GRIK1: variants seen among roughly 807,000 people sequenced by gnomAD.
The protein encoded by GRIK1 is glutamate receptor ionotropic, kainate 1.
Under a neutral mutation model 105.7 loss-of-function variants are expected in GRIK1, and 69 were observed. That is an observed-to-expected ratio of 0.65 (90% confidence interval 0.54 to 0.80). GRIK1 has a LOEUF of 0.80. Ranked by LOEUF, GRIK1 falls within the 30% of genes least tolerant of loss-of-function variation. GRIK1 has a pLI of 0.00. For missense variants in GRIK1, 1,109 were observed against 1,167.3 expected, an observed-to-expected ratio of 0.95 and a Z score of 0.73; for synonymous variants, 438 against 431.3, an observed-to-expected ratio of 1.02 and a Z score of -0.19.
chr21:29,556,663 C>A (rs539995113), intron 15 of GRIK1, among the ~76,000 whole-genome samples: 1 of 152,194 alleles, frequency 6.6e-6, no homozygotes, highest in African/African-American at 2.4e-5. Flanking sequence ...ATGATGTCTT[C>A]CCAACATGAT....
In GRIK1 at chr21:29,910,472, T is replaced by A. The variant is rs559672966; in HGVS notation, c.118+28911A>T. Among the ~76,000 whole-genome samples the A allele has an allele frequency of 7.9e-4, 120 of 152,244 alleles. 1 individual carries two copies. The highest frequency in any genetic ancestry group is 6.8e-3 in the Middle Eastern group (2 of 294). ...GCAATGTACAAGTGTTTCACTAACCTGAGAGAAAGTAATGACTGATATTCT... is the reference window on the plus strand; with the variant it reads ...GCAATGTACAAGTGTTTCACTAACCAGAGAGAAAGTAATGACTGATATTCT... On this transcript the variant is annotated intron_variant, in intron 1 of 17. Coordinates refer to ENST00000327783, the MANE Select transcript of GRIK1 (RefSeq NM_001330994.2).
chr21:29,896,312 G>T (rs540892300), intron 1 of GRIK1, among the ~76,000 whole-genome samples: 1 of 152,150 alleles, frequency 6.6e-6, no homozygotes, highest in East Asian at 1.9e-4. Context: ...GGTACCCTAG[G>T]TAAAATTTCA....
chr21:29,544,853 A>T (rs2090026088), intron 16 of GRIK1, among the ~76,000 whole-genome samples: 1 of 152,204 alleles, frequency 6.6e-6, no homozygotes, highest in Admixed American at 6.5e-5. Context: ...TGATGTGAGA[A>T]TCTTGACCAA....
chr21:29,827,975 A>ATC (rs71335097), intron 1 of GRIK1, among the ~76,000 whole-genome samples: 3,822 of 113,508 alleles, frequency 0.034, 119 homozygotes, highest in African/African-American at 0.093. Flanking sequence ...TATAGTTAGG[A>ATC]TCTCTCTCTC....
chr21:29,638,163 T>A (rs552049244), intron 7 of GRIK1, among the ~76,000 whole-genome samples: 16 of 152,104 alleles, frequency 1.1e-4, no homozygotes, highest in African/African-American at 3.9e-4. Context: ...ATTTTTTTTT[T>A]AAATAAAGGA....
intron 9 of GRIK1, among the ~76,000 whole-genome samples, chr21:29,591,644 C>T (rs920788837): frequency 1.3e-5 from 2 of 152,156 alleles, no homozygotes; most frequent in African/African-American, 2.4e-5. Flanking sequence ...GTGGAGCTTA[C>T]ATTCTACTGA....
At chr21:29,695,959 C>T (rs747926391) in intron 1 of GRIK1, among the ~76,000 whole-genome samples, 6 of 152,152 alleles carry the variant, frequency 3.9e-5, no homozygotes, top group South Asian at 2.1e-4. Context: ...GCATCATGCG[C>T]GTCATTTATG....
rs2063718106 is a variant in GRIK1, at chr21:29,697,068, T to A, written c.119-3005A>T. Among the ~76,000 whole-genome samples, 2 of 152,224 alleles carry A rather than the reference T, an allele frequency of 1.3e-5. 1 individual carries two copies. Among genetic ancestry groups the A allele is most frequent in the Non-Finnish European group, 2.9e-5 (2 of 68,026 alleles). ...ACATCCTGCTTATTCAAAATCACAG[T>A]CTTGTCTGGGACTGACTCAGTTGTC... On this transcript the variant is annotated intron_variant, in intron 1 of 17. Transcript: ENST00000327783.
At chr21:29,774,180 T>C (rs914642702) in intron 1 of GRIK1, among the ~76,000 whole-genome samples, 1 of 152,220 alleles carries the variant, frequency 6.6e-6, no homozygotes, top group Admixed American at 6.5e-5. Context: ...CTTATATCCA[T>C]TGGTTTCTCG....
At chr21:29,885,905 T>C (rs368592658) in intron 1 of GRIK1, among the ~76,000 whole-genome samples, 3 of 152,266 alleles carry the variant, frequency 2.0e-5, no homozygotes, top group Admixed American at 6.6e-5. Flanking sequence ...TCTTTATCTT[T>C]CCCATTAGAA....
intron 1 of GRIK1, among the ~76,000 whole-genome samples, chr21:29,695,131 A>G (rs1300141932): frequency 6.6e-6 from 1 of 152,240 alleles, no homozygotes; most frequent in Non-Finnish European, 1.5e-5. Context: ...TGCAAGTAAC[A>G]GTACAAAATG....
chr21:29,577,094 G>A lies in GRIK1; in HGVS notation c.2000C>T (p.Thr667Met), dbSNP rs754108610. The change falls in exon 14 of 18, where the codon ACG becomes ATG. Residue 667 changes from threonine to methionine, a missense_variant. Coordinates refer to ENST00000327783, the MANE Select transcript of GRIK1 (RefSeq NM_001330994.2). ...FFTLIIISSY[T>M]ANLAAFLTVE... ...TGTCAAGAAGGCAGCCAGATTGGCC[G>A]TGTAGGATGAAATGATGATTAGGGT... The A allele has an allele frequency of 3.7e-6, 6 of 1,611,578 alleles. No individual in the cohort carries two copies. The highest frequency in any genetic ancestry group is 2.2e-5 in the East Asian group (1 of 44,862).
chr21:29,938,863 A>G (rs1285595382), intron 1 of GRIK1, among the ~76,000 whole-genome samples: 2 of 152,190 alleles, frequency 1.3e-5, no homozygotes, highest in Non-Finnish European at 2.9e-5. Flanking sequence ...CAACTTAGGC[A>G]TAAAAACTTG....
At chr21:29,712,523 T>A (rs2064082383) in intron 1 of GRIK1, among the ~76,000 whole-genome samples, 1 of 152,114 alleles carries the variant, frequency 6.6e-6, no homozygotes, top group South Asian at 2.1e-4. Context: ...AGTACTCATT[T>A]CTCTAAATTT....
intron 7 of GRIK1, among the ~76,000 whole-genome samples, chr21:29,609,028 AGATATCTT>A (rs1419013761): frequency 1.2e-4 from 18 of 151,776 alleles, no homozygotes; most frequent in African/African-American, 4.4e-4. Context: ...TCTTATTATA[AGATATCTT>A]GGGATACCTG....
rs935992929 is a variant in GRIK1 at position 29,575,736 on chromosome 21, G to A, written c.2130+1228C>T. On this transcript the variant is annotated intron_variant, in intron 14 of 17. Transcript: ENST00000327783. The stretch of plus-strand genomic sequence containing the variant: ...CGTCCCAGCTACTTGGGAGGCTGAG[G>A]CAGGAGAATCATTTGAACCCGGAGG... Among the ~76,000 whole-genome samples, 5 of 152,154 alleles carry A rather than the reference G, an allele frequency of 3.3e-5. No homozygotes were observed. The East Asian group carries it at 9.6e-4, about 29-fold the overall frequency.
intron 1 of GRIK1, among the ~76,000 whole-genome samples, chr21:29,710,789 C>CTCCTTCCTTCCTTCCT (rs537652425): frequency 3.0e-5 from 2 of 67,200 alleles, no homozygotes; most frequent in African/African-American, 1.2e-4. Flanking sequence ...CCCTCCCTCC[C>CTCCTTCCTTCCTTCCT]TCCTTCCTTC....
At chr21:29,574,850 G>C (rs2090848951) in intron 14 of GRIK1, among the ~76,000 whole-genome samples, 1 of 151,060 alleles carries the variant, frequency 6.6e-6, no homozygotes, top group South Asian at 2.1e-4. Flanking sequence ...ATCACGCCCG[G>C]CTAATATTTT....
Position 29,790,463 on chromosome 21 carries a change from C to CTT in GRIK1, c.119-96402_119-96401dup, listed in dbSNP as rs111328335. ...AGTTTCGTAGTTTCTTTCTTTCTTTCTTTTTTTTTTTTGAGACAGGGTCTT... is the reference window on the plus strand; with the variant it reads ...AGTTTCGTAGTTTCTTTCTTTCTTTCTTTTTTTTTTTTTTGAGACAGGGTCTT... On this transcript the variant is annotated intron_variant, in intron 1 of 17. Coordinates refer to ENST00000327783, the MANE Select transcript of GRIK1 (RefSeq NM_001330994.2). 4.3e-3 allele frequency among the ~76,000 whole-genome samples: 626 copies of CTT among 145,740 alleles called. 3 individuals are homozygous for CTT. Among genetic ancestry groups the CTT allele is most frequent in the African/African-American group, 0.014 (570 of 40,078 alleles).
Sources: gnomAD v4.1 joint callset for allele counts (sites outside exome capture counted in the v4.1 genomes callset) on GRCh38, gnomAD v4.1.1 for gene constraint, MANE v1.5 for transcripts, NCBI Gene and HGNC (gene_info 2026-07-23, HGNC 2026-07-21) for gene names.